AP5M1: variants seen among roughly 807,000 people sequenced by gnomAD.
AP5M1 encodes adaptor related protein complex 5 subunit mu 1.
Under a neutral mutation model 52.3 loss-of-function variants are expected in AP5M1, and 44 were observed. That is an observed-to-expected ratio of 0.84 (90% CI 0.66 to 1.08). AP5M1 has a LOEUF of 1.08. Among genes scored for constraint, AP5M1 ranks in the 50% least tolerant of loss-of-function variants. The pLI is 0.00. For missense variants in AP5M1, 526 were observed against 568.4 expected (o/e 0.93, Z 0.76); for synonymous variants, 213 against 199.0 (o/e 1.07, Z -0.59).
intron 3 of AP5M1, 25 bp from the exon 4 acceptor site, chr14:57,282,064 T>A (rs772529158): frequency 1.3e-6 from 2 of 1,536,128 alleles, no homozygotes; most frequent in Non-Finnish European, 1.7e-6. Flanking sequence ...CTGAGAATTA[T>A]ATAGACATTT....
intron 3 of AP5M1, among the ~76,000 whole-genome samples, chr14:57,281,869 A>C (rs1357927888): frequency 6.6e-6 from 1 of 152,210 alleles, no homozygotes; most frequent in Non-Finnish European, 1.5e-5. Flanking sequence ...AAGTATAGGA[A>C]CAAGAATGCA....
At position 57,293,181 on chromosome 14, in the gene AP5M1, CT is replaced by C. The variant is rs1480631253; in HGVS notation, c.*4300del. The C allele has an allele frequency of 2.6e-5, 4 of 151,452 alleles. No individual in the cohort carries two copies. Among genetic ancestry groups the C allele is most frequent in the African/African-American group, 7.3e-5 (3 of 41,306 alleles). 9.4% of individuals were successfully genotyped at this position (151,452 alleles called of 1,614,324 possible). A position where few individuals can be genotyped will look rare whatever the true frequency, so the allele number is the denominator to read the frequency against. On this transcript the variant is annotated 3_prime_UTR_variant, in exon 8 of 8. Coordinates refer to ENST00000261558, the MANE Select transcript of AP5M1 (RefSeq NM_018229.4). ...AAACTGTTTCAATAGCAATGTCAGT[CT>C]TTATCTTGTAAGATGTCAAATCGGG...
chr14:57,274,788 C>A lies in AP5M1; in HGVS notation c.619C>A (p.Pro207Thr). The change falls in exon 2 of 8, where the codon CCA (proline) becomes ACA (threonine). Residue 207 changes from proline to threonine, a missense_variant. Pro to Thr is a conservative substitution (Grantham distance 38, BLOSUM62 -1). Transcript: ENST00000261558. ...GAAAACTGGGACGTACAAAGGAAAACCACAAGTTTCTATTTCTATCACTGA... is the reference window on the plus strand; with the variant it reads ...GAAAACTGGGACGTACAAAGGAAAAACACAAGTTTCTATTTCTATCACTGA... ...AWKTGTYKGK[P>T]QVSISITEKV... The A allele has an allele frequency of 1.2e-6, 2 of 1,614,152 alleles. No homozygotes were observed. The highest frequency in any genetic ancestry group is 1.7e-6 in the Non-Finnish European group (2 of 1,180,020).
At position 57,295,656 on chromosome 14, in the gene AP5M1, T is replaced by G. The variant is rs575063307; in HGVS notation, c.*6772T>G. 4.6e-5 allele frequency: 7 copies of G among 151,844 alleles called. No homozygotes were observed. The highest frequency in any genetic ancestry group is 1.7e-4 in the African/African-American group (7 of 41,488). 9.4% of individuals were successfully genotyped at this position (151,844 alleles called of 1,614,324 possible). A position where few individuals can be genotyped will look rare whatever the true frequency, so the allele number is the denominator to read the frequency against. ...ACTATGTTACTTCAAAATGTTTAAG[T>G]GCCAAACTTAATGTTACCTTCTCTG... On this transcript the variant is annotated 3_prime_UTR_variant, in exon 8 of 8. Transcript: ENST00000261558.
Position 57,296,131 on chromosome 14 carries a change from A to C in AP5M1, c.*7247A>C, listed in dbSNP as rs1488662222. On this transcript the variant is annotated 3_prime_UTR_variant, in exon 8 of 8. Transcript: ENST00000261558. ...TTACCTTTCTAAAATGAACAATTTAAATCACTCTTACACTTTAGAAATTGA... is the reference window on the plus strand; with the variant it reads ...TTACCTTTCTAAAATGAACAATTTACATCACTCTTACACTTTAGAAATTGA... 1 of 152,050 alleles carries C rather than the reference A, an allele frequency of 6.6e-6. No homozygotes were observed. The highest frequency in any genetic ancestry group is 1.5e-5 in the Non-Finnish European group (1 of 67,942). The allele number at this position is 152,050 out of a possible 1,614,324, so 9.4% of individuals were successfully genotyped here.
At chr14:57,283,269 C>T in intron 6 of AP5M1, 39 bp downstream of exon 6, 1 of 1,165,180 alleles carries the variant, frequency 8.6e-7, no homozygotes, top group Non-Finnish European at 1.2e-6. Flanking sequence ...TAGCACCCTT[C>T]CTTTGTTTAT....
At chr14:57,281,755 A>G (rs370620146) in intron 3 of AP5M1, among the ~76,000 whole-genome samples, 14 of 152,350 alleles carry the variant, frequency 9.2e-5, no homozygotes, top group South Asian at 8.3e-4. Context: ...ATGGGATTCA[A>G]TTGGAGCAAC....
Position 57,286,227 on chromosome 14 carries a change from A to T in AP5M1, c.1298A>T (p.His433Leu). 1.9e-6 allele frequency: 3 copies of T among 1,599,052 alleles called. No homozygotes were observed. The change falls in exon 7 of 8, where the codon CAT (histidine) becomes CTT (leucine). Residue 433 changes from histidine (H) to leucine (L), a missense_variant. Physicochemically the swap from His to Leu is moderately conservative, Grantham distance 99. Transcript: ENST00000261558. ...ACATTTCTCTCTTCTTTCTAGCTTC[A>T]TTTTAGGATCTTAGATTACACACTT... ...CTGETAYLKL[H>L]FRILDYTLTG...
rs1885586529 is a variant in AP5M1, at chr14:57,297,955, T to C, written c.*9071T>C. 6.6e-6 allele frequency: 1 copy of C among 152,180 alleles called. No individual in the cohort carries two copies. The highest frequency in any genetic ancestry group is 1.5e-5 in the Non-Finnish European group (1 of 68,040). The allele number at this position is 152,180 out of a possible 1,614,324, so 9.4% of individuals were successfully genotyped here. A position where few individuals can be genotyped will look rare whatever the true frequency, so the allele number is the denominator to read the frequency against. On this transcript the variant is annotated 3_prime_UTR_variant, in exon 8 of 8. Transcript: ENST00000261558. Reference sequence around the variant, plus strand: ...CTGCGATTGCCATCTTTAGCACTTTTCAGAGAATTTGTTGCCATTTATGAC... The same window carrying C: ...CTGCGATTGCCATCTTTAGCACTTTCCAGAGAATTTGTTGCCATTTATGAC...
chr14:57,294,820 T>C lies in AP5M1; in HGVS notation c.*5936T>C, dbSNP rs1011036170. 6.6e-6 allele frequency: 1 copy of C among 151,970 alleles called. No homozygotes were observed. The highest frequency in any genetic ancestry group is 2.4e-5 in the African/African-American group (1 of 41,422). The allele number at this position is 151,970 out of a possible 1,614,324, so 9.4% of individuals were successfully genotyped here. On this transcript the variant is annotated 3_prime_UTR_variant, in exon 8 of 8. Transcript: ENST00000261558. ...ATTACACATTTGGAGTAAGCCTTGCTTTTTCAACATGCATCATGTAAAATT... is the reference window on the plus strand; with the variant it reads ...ATTACACATTTGGAGTAAGCCTTGCCTTTTCAACATGCATCATGTAAAATT...
Position 57,294,205 on chromosome 14 carries a change from G to A in AP5M1, c.*5321G>A, listed in dbSNP as rs1253812110. 6.6e-6 allele frequency: 1 copy of A among 151,790 alleles called. No individual in the cohort carries two copies. Among genetic ancestry groups the A allele is most frequent in the Non-Finnish European group, 1.5e-5 (1 of 67,790 alleles). 9.4% of individuals were successfully genotyped at this position (151,790 alleles called of 1,614,324 possible). A position where few individuals can be genotyped will look rare whatever the true frequency, so the allele number is the denominator to read the frequency against. On this transcript the variant is annotated 3_prime_UTR_variant, in exon 8 of 8. Transcript: ENST00000261558. Reference sequence around the variant, plus strand: ...AATGTATGATGCACAAGCATTTACAGATGGACAAATGCTCCACACTAAAAA... The same window carrying A: ...AATGTATGATGCACAAGCATTTACAAATGGACAAATGCTCCACACTAAAAA...
intron 6 of AP5M1, among the ~76,000 whole-genome samples, chr14:57,285,154 G>A (rs1004568963): frequency 6.6e-6 from 1 of 152,094 alleles, no homozygotes; most frequent in Non-Finnish European, 1.5e-5. Context: ...GACAATTAGG[G>A]GAAGTGGTAG....
chr14:57,282,806 T>G (rs1290920277), intron 4 of AP5M1, 128 bp from the exon 5 acceptor site: 1 of 548,410 alleles, frequency 1.8e-6, no homozygotes, highest in Non-Finnish European at 3.2e-6. Flanking sequence ...TGTTCTATTC[T>G]GCAAACTTGA....
Position 57,297,895 on chromosome 14 carries a change from G to A in AP5M1, c.*9011G>A, listed in dbSNP as rs1318415107. ...ATAGAAAGGCTATTTTGCAAACAGT[G>A]GTTCAGTCTGTATTGGGCACAGGTG... On this transcript the variant is annotated 3_prime_UTR_variant, in exon 8 of 8. Coordinates refer to ENST00000261558, the MANE Select transcript of AP5M1 (RefSeq NM_018229.4). 2.6e-5 allele frequency: 4 copies of A among 152,122 alleles called. No individual in the cohort carries two copies. The highest frequency in any genetic ancestry group is 9.7e-5 in the African/African-American group (4 of 41,404). The allele number at this position is 152,122 out of a possible 1,614,324, so 9.4% of individuals were successfully genotyped here. A position where few individuals can be genotyped will look rare whatever the true frequency, so the allele number is the denominator to read the frequency against.
At position 57,291,363 on chromosome 14, in the gene AP5M1, A is replaced by C. The variant is rs1885429987; in HGVS notation, c.*2479A>C. The C allele has an allele frequency of 6.6e-6, 1 of 151,774 alleles. No homozygotes were observed. The highest frequency in any genetic ancestry group is 2.4e-5 in the African/African-American group (1 of 41,360). The allele number at this position is 151,774 out of a possible 1,614,324, so 9.4% of individuals were successfully genotyped here. On this transcript the variant is annotated 3_prime_UTR_variant, in exon 8 of 8. Transcript: ENST00000261558. ...ATCACATAGGTAATTATTCTTCAAT[A>C]AACTCGAAAGGTTAAAAAAAAAAGT...
At chr14:57,283,276 T>G (rs1475148682) in intron 6 of AP5M1, 46 bp downstream of exon 6, 1 of 1,104,588 alleles carries the variant, frequency 9.1e-7, no homozygotes, top group Non-Finnish European at 1.3e-6. Flanking sequence ...CTTCCTTTGT[T>G]TATAAATTGC....
chr14:57,273,974 C>T (rs1359749496), intron 1 of AP5M1, among the ~76,000 whole-genome samples: 2 of 152,138 alleles, frequency 1.3e-5, no homozygotes, highest in Non-Finnish European at 2.9e-5. Flanking sequence ...GAATTACAAT[C>T]ATGTACTCTA....
Position 57,297,456 on chromosome 14 carries a change from A to G in AP5M1, c.*8572A>G, listed in dbSNP as rs1885575826. ...ACATTTGTATGCTAATGTGTCTTAG[A>G]TTTACCAACTATCCTAATGTGTAGT... On this transcript the variant is annotated 3_prime_UTR_variant, in exon 8 of 8. Transcript: ENST00000261558. 1 of 152,230 alleles carries G rather than the reference A, an allele frequency of 6.6e-6. No homozygotes were observed. Among genetic ancestry groups the G allele is most frequent in the Non-Finnish European group, 1.5e-5 (1 of 68,012 alleles). 9.4% of individuals were successfully genotyped at this position (152,230 alleles called of 1,614,324 possible). A position where few individuals can be genotyped will look rare whatever the true frequency, so the allele number is the denominator to read the frequency against.
chr14:57,281,493 C>T (rs1332773976), intron 3 of AP5M1, among the ~76,000 whole-genome samples: 2 of 152,220 alleles, frequency 1.3e-5, no homozygotes, highest in African/African-American at 2.4e-5. Context: ...AAATTAGTAT[C>T]AGCCTGTACT....
Sources: gnomAD v4.1 joint callset for allele counts (sites outside exome capture counted in the v4.1 genomes callset) on GRCh38, gnomAD v4.1.1 for gene constraint, MANE v1.5 for transcripts, NCBI Gene and HGNC (gene_info 2026-07-23, HGNC 2026-07-21) for gene names.